Variants in SERTAD4 observed in about 807,000 individuals in gnomAD.
The protein encoded by SERTAD4 is SERTA domain-containing protein 4.
Under a neutral mutation model 32.9 loss-of-function variants are expected in SERTAD4, and 18 were observed. The ratio of observed to expected loss-of-function variants is 0.55; its 90% CI spans 0.38 to 0.81. The LOEUF (loss-of-function observed/expected upper bound fraction) is 0.81. Among genes scored for constraint, SERTAD4 ranks in the 30% least tolerant of loss-of-function variants. The pLI, the probability that SERTAD4 is intolerant of heterozygous loss-of-function variation, is 0.00. For synonymous variants in SERTAD4, 150 were observed against 156.4 expected, an observed-to-expected ratio of 0.96 and a Z score of 0.30; for missense variants, 383 against 426.0, an observed-to-expected ratio of 0.90 and a Z score of 0.89.
At chr1:210,238,610 A>G (rs1281172396) in intron 2 of SERTAD4, among the ~76,000 whole-genome samples, 1 of 152,172 alleles carries the variant, frequency 6.6e-6, no homozygotes, top group East Asian at 1.9e-4. Context: ...TTGGAACGCT[A>G]AGCTTGTGGA....
At position 210,241,547 on chromosome 1, in the gene SERTAD4, T is replaced by TGGTTTG; in HGVS notation, c.292-11_292-10insGGTTTG. 2.3e-5 allele frequency: 34 copies of TGGTTTG among 1,485,098 alleles called. No individual in the cohort carries two copies. Among genetic ancestry groups the TGGTTTG allele is most frequent in the East Asian group, 1.4e-4 (6 of 42,320 alleles). The allele number at this position is 1,485,098 out of a possible 1,614,324, so 92.0% of individuals were successfully genotyped here. The stretch of plus-strand genomic sequence containing the variant: ...GTTTGTTTTTTTCTTTTTTTTTTTT[T>TGGTTTG]TGGTTTGTAGACCATCTCAATTTTT... On this transcript the variant is annotated splice_polypyrimidine_tract_variant and intron_variant, in intron 3 of 3. Transcript: ENST00000367012.
At chr1:210,240,219 T>C (rs1223064335) in intron 3 of SERTAD4, among the ~76,000 whole-genome samples, 1 of 152,202 alleles carries the variant, frequency 6.6e-6, no homozygotes. Flanking sequence ...TTGCATAGAA[T>C]TATGAATCTG....
In SERTAD4 at chr1:210,237,993, C is replaced by G. The variant is rs771868122; in HGVS notation, c.33C>G (p.Cys11Trp). The G allele has an allele frequency of 4.3e-6, 7 of 1,613,024 alleles. No homozygotes were observed. The South Asian group carries it at 6.6e-5, about 15-fold the overall frequency. MTLVLSMNRF[C>W]EPIVSEGAAE... ...TGGTTCTGTCCATGAATAGATTCTGCGAGCCCATTGTCTCGGAAGGAGCTG... is the reference window on the plus strand; with the variant it reads ...TGGTTCTGTCCATGAATAGATTCTGGGAGCCCATTGTCTCGGAAGGAGCTG... The change falls in exon 2 of 4, where the codon TGC (cysteine) becomes TGG (tryptophan). Residue 11 changes from cysteine to tryptophan, a missense_variant. Around this residue, in one of 3 missense-constraint regions of SERTAD4, gnomAD observed 96 missense variants for 76.6 expected, o/e 1.25. Transcript: ENST00000367012.
At chr1:210,236,012 T>C (rs2083937386) in intron 1 of SERTAD4, among the ~76,000 whole-genome samples, 1 of 152,242 alleles carries the variant, frequency 6.6e-6, no homozygotes, top group African/African-American at 2.4e-5. Context: ...TATTTCCTGA[T>C]ATGATTGTCT....
intron 3 of SERTAD4, 44 bp from the exon 4 acceptor site, chr1:210,241,511 TTCC>T: frequency 6.7e-7 from 1 of 1,498,146 alleles, no homozygotes; most frequent in Non-Finnish European, 8.9e-7. Context: ...GCTTTCTCTC[TTCC>T]TTTTTCTGTT....
In SERTAD4 at chr1:210,242,016, T is replaced by C. The variant is rs765703049; in HGVS notation, c.750T>C (p.Ser250=). The change falls in exon 4 of 4, where the codon AGT becomes AGC. Residue 250 remains serine (S), a synonymous_variant. Coordinates refer to ENST00000367012, the MANE Select transcript of SERTAD4 (RefSeq NM_019605.5). This position sits in a 1 kb window ranked among gnomAD's most constrained non-coding sequence, Gnocchi z 4.0. ...GCCAGGTGGATTTTGATGTAGGTAGTGCATCTATTTACAAGAGTGATGGCC... is the reference window on the plus strand; with the variant it reads ...GCCAGGTGGATTTTGATGTAGGTAGCGCATCTATTTACAAGAGTGATGGCC... ...CSRQVDFDVG[S]ASIYKSDGQI... 24 of 1,614,072 alleles carry C rather than the reference T, an allele frequency of 1.5e-5. No individual in the cohort carries two copies. Among genetic ancestry groups the C allele is most frequent in the Non-Finnish European group, 2.0e-5 (24 of 1,180,040 alleles).
chr1:210,237,591 GT>G, intron 1 of SERTAD4: 1 of 185,644 alleles, frequency 5.4e-6, no homozygotes, highest in Non-Finnish European at 1.1e-5. Context: ...AAGCGCAAGG[GT>G]TTTGGCTTCT....
chr1:210,233,984 GTT>G (rs36086035), intron 1 of SERTAD4: 8,092 of 336,466 alleles, frequency 0.024, 77 homozygotes, highest in African/African-American at 0.052. Flanking sequence ...AGGAAACTTG[GTT>G]TTTTTTTTAA....
intron 2 of SERTAD4, among the ~76,000 whole-genome samples, chr1:210,238,618 G>A (rs1210314031): frequency 2.6e-5 from 4 of 152,158 alleles, no homozygotes; most frequent in Non-Finnish European, 2.9e-5. Flanking sequence ...CTAAGCTTGT[G>A]GAAGTTATTT....
Position 210,241,796 on chromosome 1 carries a change from G to A in SERTAD4, c.530G>A (p.Arg177Gln), listed in dbSNP as rs1241757480. Residue 177 changes from arginine (R) to glutamine (Q), a missense_variant, in exon 4 of 4, where the codon CGG becomes CAG. By Grantham distance (43) the Arg-to-Gln change is conservative. Transcript: ENST00000367012. Reference sequence around the variant, plus strand: ...GACTGCCCTTACCGAAAACGACCACGGATGGCCAAAGAGGAATGTGAAAAG... The same window carrying A: ...GACTGCCCTTACCGAAAACGACCACAGATGGCCAAAGAGGAATGTGAAAAG... ...AQDCPYRKRP[R>Q]MAKEECEKFH... The A allele has an allele frequency of 1.7e-5, 28 of 1,614,042 alleles. No homozygotes were observed. Among genetic ancestry groups the A allele is most frequent in the East Asian group, 4.5e-5 (2 of 44,862 alleles).
chr1:210,234,697 A>T (rs2083924190), intron 1 of SERTAD4, among the ~76,000 whole-genome samples: 1 of 152,124 alleles, frequency 6.6e-6, no homozygotes, highest in Non-Finnish European at 1.5e-5. Context: ...TGCTATAATG[A>T]TCTTAATCAA....
chr1:210,236,729 G>A (rs113298692), intron 1 of SERTAD4, among the ~76,000 whole-genome samples: 1 of 152,218 alleles, frequency 6.6e-6, no homozygotes, highest in African/African-American at 2.4e-5. Context: ...CAGAAAGCCT[G>A]ACGTCACTTG....
rs1425650586 is a variant in SERTAD4, at chr1:210,243,077, G to A, written c.*740G>A. The stretch of plus-strand genomic sequence containing the variant: ...AAGGATAAATCAGAGTTACAGCAGG[G>A]ATTTAACAAACAGGACAAAAAAAAA... On this transcript the variant is annotated 3_prime_UTR_variant, in exon 4 of 4. Transcript: ENST00000367012. The A allele has an allele frequency of 7.5e-5, 10 of 132,764 alleles. No homozygotes were observed. In the East Asian group the frequency reaches 1.9e-3, roughly 26 times the overall value. The allele number at this position is 132,764 out of a possible 1,614,324, so 8.2% of individuals were successfully genotyped here. A position where few individuals can be genotyped will look rare whatever the true frequency, so the allele number is the denominator to read the frequency against.
At chr1:210,234,478 C>T (rs183356803) in intron 1 of SERTAD4, among the ~76,000 whole-genome samples, 21 of 152,286 alleles carry the variant, frequency 1.4e-4, no homozygotes, top group Admixed American at 9.2e-4. Context: ...AGAAAAGCGA[C>T]ATCTGTTTGT....
intron 1 of SERTAD4, among the ~76,000 whole-genome samples, chr1:210,235,787 G>A (rs1013973558): frequency 3.3e-5 from 5 of 152,182 alleles, no homozygotes; most frequent in African/African-American, 1.2e-4. Flanking sequence ...GCTGCCAGGA[G>A]CCTGCAAATG....
chr1:210,245,468 CCTATTATTCTA>C lies in SERTAD4; in HGVS notation c.*3133_*3143del, dbSNP rs1266991957. 7.2e-5 allele frequency: 11 copies of C among 152,144 alleles called. No homozygotes were observed. The highest frequency in any genetic ancestry group is 2.7e-4 in the African/African-American group (11 of 41,430). The allele number at this position is 152,144 out of a possible 1,614,324, so 9.4% of individuals were successfully genotyped here. A position where few individuals can be genotyped will look rare whatever the true frequency, so the allele number is the denominator to read the frequency against. ...TCATCATCATCTTTCCACTCAAAAT[CCTATTATTCTA>C]CATTTCACTTTGCAGGGGTCCTAGG... On this transcript the variant is annotated 3_prime_UTR_variant, in exon 4 of 4. Coordinates refer to ENST00000367012, the MANE Select transcript of SERTAD4 (RefSeq NM_019605.5).
chr1:210,233,395 C>A (rs1257737537), intron 1 of SERTAD4, among the ~76,000 whole-genome samples: 1 of 152,124 alleles, frequency 6.6e-6, no homozygotes, highest in Non-Finnish European at 1.5e-5. Flanking sequence ...TCCGTGGCCG[C>A]TTAGTCCCTC....
rs746171055 is a variant in SERTAD4, at chr1:210,242,180, A to G, written c.914A>G (p.Asp305Gly). ...GPLSHEPVGN[D>G]LAFECKGQFY... Reference sequence around the variant, plus strand: ...CTCAGCCACGAACCTGTGGGAAATGACCTTGCTTTTGAGTGCAAAGGCCAA... The same window carrying G: ...CTCAGCCACGAACCTGTGGGAAATGGCCTTGCTTTTGAGTGCAAAGGCCAA... The change falls in exon 4 of 4, where the codon GAC (aspartate) becomes GGC (glycine). Residue 305 changes from aspartate to glycine, a missense_variant. Transcript: ENST00000367012. This position sits in a 1 kb window ranked among gnomAD's most constrained non-coding sequence, Gnocchi z 4.0. The G allele has an allele frequency of 6.2e-7, 1 of 1,614,196 alleles. No individual in the cohort carries two copies. Among genetic ancestry groups the G allele is most frequent in the Non-Finnish European group, 8.5e-7 (1 of 1,180,030 alleles).
chr1:210,237,868 T>C (rs2083955882), intron 1 of SERTAD4, 76 bp from the exon 2 acceptor site: 1 of 1,147,322 alleles, frequency 8.7e-7, no homozygotes, highest in Non-Finnish European at 1.3e-6. Context: ...GAAATGAAGA[T>C]GCCAAGGCCG....
Sources: allele counts gnomAD v4.1 joint callset (sites outside exome capture counted in the v4.1 genomes callset), GRCh38; gene constraint gnomAD v4.1.1; regional missense constraint gnomAD v4.1.1; non-coding constraint Gnocchi (gnomAD v3.1); transcripts MANE v1.5; gene names NCBI Gene and HGNC (gene_info 2026-07-23, HGNC 2026-07-21).